MGMT: variants seen among roughly 807,000 people sequenced by gnomAD.
MGMT encodes methylated-DNA--protein-cysteine methyltransferase.
In MGMT, 14 loss-of-function variants were observed where a neutral mutation model predicts 15.9. The observed-to-expected ratio is 0.88, with a 90% confidence interval of 0.58 to 1.37. MGMT has a LOEUF of 1.37. MGMT is among the 40% of genes most tolerant of loss of function. MGMT has a pLI of 0.00. For missense variants in MGMT, 282 were observed against 268.1 expected (o/e 1.05, Z -0.36); for synonymous variants, 130 against 118.2 (o/e 1.10, Z -0.65).
At chr10:129,751,289 C>T (rs60282775) in intron 3 of MGMT, among the ~76,000 whole-genome samples, 36,271 of 151,742 alleles carry the variant, frequency 0.24, 5,071 homozygotes, top group Admixed American at 0.36. Context: ...TTGGTCTATT[C>T]GCAGTTGTTG....
intron 2 of MGMT, among the ~76,000 whole-genome samples, chr10:129,580,182 C>A (rs1256040770): frequency 6.6e-6 from 1 of 152,132 alleles, no homozygotes; most frequent in African/African-American, 2.4e-5. Context: ...CATTAACGGG[C>A]AGGTGGCATC....
At chr10:129,688,086 C>T (rs938080380) in intron 2 of MGMT, among the ~76,000 whole-genome samples, 1 of 152,172 alleles carries the variant, frequency 6.6e-6, no homozygotes, top group Non-Finnish European at 1.5e-5. Flanking sequence ...TTTTCTTAAT[C>T]CAGTCTATCA....
intron 3 of MGMT, among the ~76,000 whole-genome samples, chr10:129,725,538 C>A (rs1356817820): frequency 1.3e-5 from 2 of 152,260 alleles, no homozygotes; most frequent in African/African-American, 4.8e-5. Context: ...ATTGTGTCAA[C>A]TTCTCCACCT....
At chr10:129,704,923 G>A (rs1848142610) in intron 2 of MGMT, among the ~76,000 whole-genome samples, 1 of 152,154 alleles carries the variant, frequency 6.6e-6, no homozygotes, top group South Asian at 2.1e-4. Flanking sequence ...CGGATGACAT[G>A]CACATTTCTG....
chr10:129,500,295 C>T (rs1845562415), intron 1 of MGMT, among the ~76,000 whole-genome samples: 1 of 152,210 alleles, frequency 6.6e-6, no homozygotes, highest in Admixed American at 6.5e-5. Context: ...GGGGGATTCA[C>T]ACCAGCCTGG....
At chr10:129,512,568 A>G (rs1198425014) in intron 1 of MGMT, among the ~76,000 whole-genome samples, 2 of 152,046 alleles carry the variant, frequency 1.3e-5, no homozygotes, top group Admixed American at 1.3e-4. Flanking sequence ...GGGCTCTTGT[A>G]AGGATTAGAG....
At chr10:129,650,314 T>C (rs1189336246) in intron 2 of MGMT, among the ~76,000 whole-genome samples, 1 of 152,180 alleles carries the variant, frequency 6.6e-6, no homozygotes, top group Non-Finnish European at 1.5e-5. Context: ...ATCTGGTGTC[T>C]CTGTGGAAGC....
intron 2 of MGMT, among the ~76,000 whole-genome samples, chr10:129,649,602 A>T (rs1031520718): frequency 1.3e-5 from 2 of 152,184 alleles, no homozygotes; most frequent in African/African-American, 2.4e-5. Flanking sequence ...CTGTACTTTG[A>T]AGCTGAATCT....
At chr10:129,581,457 GT>G (rs543138936) in intron 2 of MGMT, among the ~76,000 whole-genome samples, 24 of 152,158 alleles carry the variant, frequency 1.6e-4, no homozygotes, top group Non-Finnish European at 3.1e-4. Context: ...AGTAGGTTAT[GT>G]TTTCTGAGGA....
At chr10:129,616,695 A>G (rs1271193374) in intron 2 of MGMT, among the ~76,000 whole-genome samples, 6 of 152,188 alleles carry the variant, frequency 3.9e-5, no homozygotes, top group African/African-American at 1.4e-4. Context: ...CACCTTGTTA[A>G]CTAGACAGAA....
intron 2 of MGMT, among the ~76,000 whole-genome samples, chr10:129,688,266 A>G (rs1847932125): frequency 6.6e-6 from 1 of 152,212 alleles, no homozygotes; most frequent in African/African-American, 2.4e-5. Flanking sequence ...GAATCGCCAC[A>G]CTGACTTCCA....
At chr10:129,752,717 T>C (rs745989448) in intron 3 of MGMT, among the ~76,000 whole-genome samples, 2 of 152,122 alleles carry the variant, frequency 1.3e-5, no homozygotes, top group Non-Finnish European at 2.9e-5. Flanking sequence ...AGAAATCTTA[T>C]GACTATATAG....
At chr10:129,530,688 A>G (rs1435400212) in intron 1 of MGMT, among the ~76,000 whole-genome samples, 1 of 150,638 alleles carries the variant, frequency 6.6e-6, no homozygotes, top group Non-Finnish European at 1.5e-5. Flanking sequence ...CTTGTTGAAA[A>G]CTCTGTGGCT....
intron 3 of MGMT, among the ~76,000 whole-genome samples, chr10:129,740,603 C>A (rs111591654): frequency 2.6e-5 from 4 of 152,170 alleles, no homozygotes; most frequent in African/African-American, 9.7e-5. Flanking sequence ...CAGGAGGAAA[C>A]GGAGGGGCGA....
chr10:129,540,448 G>C (rs1215323978), intron 2 of MGMT, among the ~76,000 whole-genome samples: 2 of 152,184 alleles, frequency 1.3e-5, no homozygotes, highest in Non-Finnish European at 2.9e-5. Flanking sequence ...CCTGTTTCCT[G>C]GTTTGGGGGA....
At chr10:129,495,819 T>TA (rs767546955) in intron 1 of MGMT, among the ~76,000 whole-genome samples, 28 of 152,196 alleles carry the variant, frequency 1.8e-4, no homozygotes, top group Non-Finnish European at 3.2e-4. Flanking sequence ...CATCAGGATG[T>TA]AAGTTCCTGC....
chr10:129,683,566 T>C (rs187760437), intron 2 of MGMT, among the ~76,000 whole-genome samples: 228 of 152,354 alleles, frequency 1.5e-3, no homozygotes, highest in African/African-American at 5.3e-3. Context: ...AACTTCATAC[T>C]TTCTTAATTC....
intron 1 of MGMT, among the ~76,000 whole-genome samples, chr10:129,511,304 C>T (rs1362235963): frequency 6.6e-6 from 1 of 150,560 alleles, no homozygotes; most frequent in Admixed American, 6.6e-5. Flanking sequence ...CAGATGCAGC[C>T]ACGTGCTTTC....
intron 2 of MGMT, among the ~76,000 whole-genome samples, chr10:129,574,167 G>A (rs1417562975): frequency 6.6e-6 from 1 of 152,230 alleles, no homozygotes; most frequent in Non-Finnish European, 1.5e-5. Flanking sequence ...TAAATTTTCA[G>A]CAAATAGTTT....
Sources: allele counts gnomAD v4.1 joint callset (sites outside exome capture counted in the v4.1 genomes callset), GRCh38; gene constraint gnomAD v4.1.1; transcripts MANE v1.5; gene names NCBI Gene and HGNC (gene_info 2026-07-23, HGNC 2026-07-21).